Variants in SPON2 observed in about 807,000 individuals in gnomAD.
SPON2 encodes the protein spondin-2.
Under a neutral mutation model 29.9 loss-of-function variants are expected in SPON2, and 32 were observed. The observed-to-expected ratio is 1.07, with a 90% CI of 0.81 to 1.44. SPON2 has a LOEUF of 1.44. Among genes scored for constraint, SPON2 ranks in the 40% most tolerant of loss-of-function variants. The probability of loss-of-function intolerance (pLI) is 0.00; values close to 1 mark genes in which losing one functional copy is unlikely to be tolerated. For synonymous variants in SPON2, 248 were observed against 209.1 expected, an observed-to-expected ratio of 1.19 and a Z score of -1.61; for missense variants, 541 against 455.5, an observed-to-expected ratio of 1.19 and a Z score of -1.71.
intron 1 of SPON2, among the ~76,000 whole-genome samples, chr4:1,191,845 T>A (rs1267645208): frequency 1.3e-5 from 2 of 152,048 alleles, no homozygotes; most frequent in East Asian, 3.8e-4. Flanking sequence ...GTTACCAAGG[T>A]TTGCAGTGAG....
intron 1 of SPON2, among the ~76,000 whole-genome samples, chr4:1,191,076 T>C (rs1226864242): frequency 6.6e-6 from 1 of 151,660 alleles, no homozygotes; most frequent in Non-Finnish European, 1.5e-5. Flanking sequence ...TAACTGCTTT[T>C]TTTTTCTTTT....
intron 1 of SPON2, among the ~76,000 whole-genome samples, chr4:1,204,583 G>A (rs1442521195): frequency 6.6e-6 from 1 of 152,200 alleles, no homozygotes; most frequent in East Asian, 1.9e-4. Context: ...GTTAAAACCT[G>A]GTGGCCACGG....
At chr4:1,177,268 A>T (rs1727622018), upstream of SPON2, among the ~76,000 whole-genome samples, 2 of 151,904 alleles carry the variant, frequency 1.3e-5, no homozygotes, top group African/African-American at 2.4e-5. Context: ...CTTGTCTTTG[A>T]CACCCCCTTA....
chr4:1,171,509 C>G (rs779462952), intron 2 of SPON2, 23 bp from the exon 3 acceptor site: 4 of 1,602,090 alleles, frequency 2.5e-6, no homozygotes, highest in South Asian at 1.1e-5. Context: ...CCGGCCGCGC[C>G]GCGGACCATG....
chr4:1,196,994 C>T (rs557742352), upstream of SPON2: 1 of 152,158 alleles, frequency 6.6e-6, no homozygotes, highest in African/African-American at 2.4e-5. Context: ...GTGGCAGGGA[C>T]GATGACTGAG....
chr4:1,190,683 G>T (rs1294714024), intron 1 of SPON2, among the ~76,000 whole-genome samples: 2 of 152,196 alleles, frequency 1.3e-5, no homozygotes, highest in African/African-American at 4.8e-5. Context: ...ATTTCTATTT[G>T]CAGATGACAT....
At chr4:1,194,626 T>G (rs972260225) in intron 1 of SPON2, among the ~76,000 whole-genome samples, 1 of 152,158 alleles carries the variant, frequency 6.6e-6, no homozygotes, top group Admixed American at 6.5e-5. Flanking sequence ...CCCCCTGCTC[T>G]GGCCCGCGGG....
chr4:1,174,571 G>T (rs1255971385), upstream of SPON2, among the ~76,000 whole-genome samples: 4 of 151,556 alleles, frequency 2.6e-5, no homozygotes, highest in African/African-American at 9.7e-5. Context: ...GTTTGTATGG[G>T]TTATACCTAT....
chr4:1,191,974 T>C (rs1727922748), intron 1 of SPON2, among the ~76,000 whole-genome samples: 2 of 152,206 alleles, frequency 1.3e-5, no homozygotes, highest in South Asian at 4.1e-4. Context: ...CTTGGGTCCC[T>C]GTTTCCAGGG....
rs904239763 is a variant in SPON2, at chr4:1,186,068, C to A, written c.-238-6527G>T. Reference sequence around the variant, plus strand: ...GACCATCCTGGCTAACACGGTGAAACCCCATCTCTACTAAAAATACAAAAA... The same window carrying A: ...GACCATCCTGGCTAACACGGTGAAAACCCATCTCTACTAAAAATACAAAAA... On this transcript the variant is annotated intron_variant, in intron 1 of 3. Transcript: ENST00000502483. Among the ~76,000 whole-genome samples, 18 of 143,334 alleles carry A rather than the reference C, an allele frequency of 1.3e-4. 1 individual carries two copies. The South Asian group carries it at 3.6e-3, about 29-fold the overall frequency. 94.0% of individuals were successfully genotyped at this position (143,334 alleles called of 152,430 possible). A position where few individuals can be genotyped will look rare whatever the true frequency, so the allele number is the denominator to read the frequency against.
upstream of SPON2, among the ~76,000 whole-genome samples, chr4:1,178,190 C>T (rs1422780176): frequency 3.4e-5 from 5 of 147,958 alleles, no homozygotes; most frequent in East Asian, 2.0e-4. Context: ...CTGCACACAC[C>T]GAGGGCCTCC....
chr4:1,193,975 G>A (rs1727978278), intron 1 of SPON2, among the ~76,000 whole-genome samples: 1 of 151,846 alleles, frequency 6.6e-6, no homozygotes, highest in Non-Finnish European at 1.5e-5. Flanking sequence ...CCTGCTCCCT[G>A]TCCCTCTTCT....
Position 1,167,663 on chromosome 4 carries a change from C to T in SPON2, c.812-7G>A. On this transcript the variant is annotated splice_polypyrimidine_tract_variant and splice_region_variant and intron_variant, in intron 5 of 5. Coordinates refer to ENST00000290902, the MANE Select transcript of SPON2 (RefSeq NM_012445.4). ...TCCAGCGGCGTTTCTGGAACTGGAC[C>T]AAGCAAAGGGGAGACCGAGGTGAAC... 1.9e-6 allele frequency: 3 copies of T among 1,592,484 alleles called. No individual in the cohort carries two copies. The highest frequency in any genetic ancestry group is 2.6e-6 in the Non-Finnish European group (3 of 1,167,506).
intron 1 of SPON2, among the ~76,000 whole-genome samples, chr4:1,191,831 A>G (rs756316280): frequency 3.3e-5 from 5 of 152,170 alleles, no homozygotes; most frequent in Non-Finnish European, 5.9e-5. Context: ...GGAGGTGCCC[A>G]CAAGTTACCA....
intron 1 of SPON2, chr4:1,201,329 C>T: frequency 2.9e-6 from 1 of 348,930 alleles, no homozygotes; most frequent in Non-Finnish European, 5.8e-6. Context: ...TTCCAAGCCC[C>T]TTGCTCGCTT....
At position 1,170,212 on chromosome 4, in the gene SPON2, AAAT is replaced by A. The variant is rs372731273; in HGVS notation, c.811+187_811+189del. ...GGCCCTGTAAGATGCTTTCAACTGC[AAAT>A]AATGTGCAAGAGTCACATCTTCAGT... On this transcript the variant is annotated intron_variant, in intron 5 of 5. Transcript: ENST00000290902. The A allele has an allele frequency of 3.2e-3, 2,096 of 645,802 alleles. 14 individuals are homozygous for A. The highest frequency in any genetic ancestry group is 0.011 in the Middle Eastern group (31 of 2,748). 40.0% of individuals were successfully genotyped at this position (645,802 alleles called of 1,614,324 possible). A position where few individuals can be genotyped will look rare whatever the true frequency, so the allele number is the denominator to read the frequency against.
At chr4:1,197,184 GTTCCTCATGGGAAACAGCGCTTCCGAAGA>G (rs1266689688), upstream of SPON2, 2 of 152,192 alleles carry the variant, frequency 1.3e-5, no homozygotes, top group African/African-American at 4.8e-5. Context: ...TCATGCTCAC[GTTCCTCATGGGAAACAGCGCTTCCGAAGA>G]TTCCTCACGG....
chr4:1,176,526 A>C (rs1040362883), upstream of SPON2, among the ~76,000 whole-genome samples: 1 of 151,758 alleles, frequency 6.6e-6, no homozygotes, highest in Non-Finnish European at 1.5e-5. Context: ...ATTGATTCAC[A>C]CAGTACATTC....
rs377135624 is a variant in SPON2 at position 1,167,517 on chromosome 4, G to T, written c.951C>A (p.Pro317=). The T allele has an allele frequency of 2.4e-3, 3,856 of 1,613,786 alleles. 127 individuals are homozygous for T. The South Asian group carries it at 0.04, about 17-fold the overall frequency. Residue 317 remains proline (P), a synonymous_variant, in exon 6 of 6, where the codon CCC becomes CCA. Transcript: ENST00000290902. Reference sequence around the variant, plus strand: ...CGCACTCAGCCTCTTCTTCGAGCTCGGGGCAGGGGCTCCCGTTGTTGGCGG... The same window carrying T: ...CGCACTCAGCCTCTTCTTCGAGCTCTGGGCAGGGGCTCCCGTTGTTGGCGG... ...VQPANNGSPC[P]ELEEEAECVP...
Sources: gnomAD v4.1 joint callset for allele counts (sites outside exome capture counted in the v4.1 genomes callset) on GRCh38, gnomAD v4.1.1 for gene constraint, MANE v1.5 for transcripts, NCBI Gene and HGNC (gene_info 2026-07-23, HGNC 2026-07-21) for gene names.